The following EPHA4 variants were observed in gnomAD, a reference collection of about 807,000 sequenced individuals.
The protein encoded by EPHA4 is EPH receptor A4, also known as ephrin type-A receptor 4.
A neutral mutation model predicts 108.3 loss-of-function variants in EPHA4; 19 were observed. The observed-to-expected ratio is 0.18, with a 90% CI of 0.12 to 0.26. The LOEUF (loss-of-function observed/expected upper bound fraction) is 0.26. Among genes scored for constraint, EPHA4 ranks in the 10% least tolerant of loss-of-function variants. EPHA4 has a pLI of 1.00. For missense variants in EPHA4, 917 were observed against 1,254.0 expected, an observed-to-expected ratio of 0.73 and a Z score of 4.06; for synonymous variants, 449 against 455.5, an observed-to-expected ratio of 0.99 and a Z score of 0.18.
At chr2:221,456,983 T>C (rs750971348) in intron 6 of EPHA4, among the ~76,000 whole-genome samples, 5 of 152,238 alleles carry the variant, frequency 3.3e-5, no homozygotes, top group Non-Finnish European at 7.3e-5. Flanking sequence ...CAGGTATGAT[T>C]GTTATTGACG....
intron 3 of EPHA4, among the ~76,000 whole-genome samples, chr2:221,548,383 G>C (rs1192379168): frequency 6.6e-6 from 1 of 151,832 alleles, no homozygotes; most frequent in African/African-American, 2.4e-5. Flanking sequence ...AAAGAGTCTG[G>C]GACGTTGTCC....
chr2:221,555,196 T>C lies in EPHA4; in HGVS notation c.823+8535A>G, dbSNP rs569891828. ...GCAGAGGTGCATAAAAAGAGCCCTGTGCAAATAGTCTCCTCTCTGCCTCCC... is the reference window on the plus strand; with the variant it reads ...GCAGAGGTGCATAAAAAGAGCCCTGCGCAAATAGTCTCCTCTCTGCCTCCC... On this transcript the variant is annotated intron_variant, in intron 3 of 17. Transcript: ENST00000281821. Among the ~76,000 whole-genome samples, 4 of 152,316 alleles carry C rather than the reference T, an allele frequency of 2.6e-5. No individual in the cohort carries two copies. In the South Asian group the frequency reaches 8.3e-4, roughly 32 times the overall value.
At chr2:221,529,261 G>C (rs1447747079) in intron 3 of EPHA4, among the ~76,000 whole-genome samples, 1 of 152,186 alleles carries the variant, frequency 6.6e-6, no homozygotes, top group Admixed American at 6.5e-5. Flanking sequence ...AGGAAGGAAA[G>C]GGACTTTGCT....
At chr2:221,573,603 T>TG (rs1694915205), upstream of EPHA4, 1 of 152,068 alleles carries the variant, frequency 6.6e-6, no homozygotes, top group Non-Finnish European at 1.5e-5. This position sits in a 1 kb window ranked among gnomAD's most constrained non-coding sequence, Gnocchi z 4.5. Context: ...CGAGTTTTCC[T>TG]GGGGAGCCTG....
chr2:221,435,770 G>T (rs1447668776), intron 13 of EPHA4, among the ~76,000 whole-genome samples: 1 of 151,994 alleles, frequency 6.6e-6, no homozygotes, highest in Non-Finnish European at 1.5e-5. Flanking sequence ...TAAAATGAAG[G>T]CCATTAGATA....
At chr2:221,473,475 T>C (rs941429529) in intron 5 of EPHA4, among the ~76,000 whole-genome samples, 3 of 149,602 alleles carry the variant, frequency 2.0e-5, no homozygotes, top group African/African-American at 7.4e-5. Context: ...GCATTTCAAT[T>C]AGTCCCTGTA....
chr2:221,465,997 C>T (rs921390851), intron 5 of EPHA4, among the ~76,000 whole-genome samples: 2 of 152,152 alleles, frequency 1.3e-5, no homozygotes, highest in Non-Finnish European at 2.9e-5. Context: ...GGTTCCCTCC[C>T]GGAAACTCCA....
At chr2:221,558,829 A>C (rs1303508637) in intron 3 of EPHA4, among the ~76,000 whole-genome samples, 1 of 152,208 alleles carries the variant, frequency 6.6e-6, no homozygotes, top group Middle Eastern at 3.2e-3. Flanking sequence ...ACATTTTTTC[A>C]ATGATCACAG....
chr2:221,484,807 A>G (rs112183221), intron 4 of EPHA4, among the ~76,000 whole-genome samples: 1 of 152,214 alleles, frequency 6.6e-6, no homozygotes, highest in African/African-American at 2.4e-5. Context: ...CTGAAATCCA[A>G]AAGTACTATC....
chr2:221,440,410 A>G (rs114156889), intron 11 of EPHA4, among the ~76,000 whole-genome samples: 1 of 152,148 alleles, frequency 6.6e-6, no homozygotes, highest in Non-Finnish European at 1.5e-5. Flanking sequence ...TTTTTAGAAA[A>G]CGGACCTGCA....
intron 12 of EPHA4, 65 bp downstream of exon 12, chr2:221,436,995 CA>C: frequency 8.3e-7 from 1 of 1,201,582 alleles, no homozygotes; most frequent in Non-Finnish European, 1.2e-6. Flanking sequence ...ACAACAAACA[CA>C]AGGACTCTGT....
chr2:221,434,308 C>G lies in EPHA4; in HGVS notation c.2347-17G>C, dbSNP rs752607517. On this transcript the variant is annotated splice_polypyrimidine_tract_variant and intron_variant, in intron 13 of 17. Coordinates refer to ENST00000281821, the MANE Select transcript of EPHA4 (RefSeq NM_004438.5). ...CTTGCCACCCTGTGAACATTTGAGC[C>G]ATAAGTTATTCCTTAAGTACATCAC... 14 of 1,612,618 alleles carry G rather than the reference C, an allele frequency of 8.7e-6. 1 individual carries two copies. In the Admixed American group the frequency reaches 1.3e-4, roughly 15 times the overall value.
At chr2:221,511,775 A>G (rs920827390) in intron 3 of EPHA4, among the ~76,000 whole-genome samples, 3 of 152,270 alleles carry the variant, frequency 2.0e-5, no homozygotes, top group African/African-American at 7.2e-5. Flanking sequence ...AAGGCAGTAC[A>G]GCAACCTATA....
At chr2:221,428,788 A>G (rs917521833) in intron 15 of EPHA4, among the ~76,000 whole-genome samples, 2 of 152,174 alleles carry the variant, frequency 1.3e-5, no homozygotes, top group African/African-American at 4.8e-5. Flanking sequence ...TTTCAGTGTT[A>G]TTTGAAAAGA....
At chr2:221,468,219 AG>A (rs34061492) in intron 5 of EPHA4, among the ~76,000 whole-genome samples, 1 of 151,622 alleles carries the variant, frequency 6.6e-6, no homozygotes, top group Non-Finnish European at 1.5e-5. Flanking sequence ...ATCACTTCCT[AG>A]GGAAGATCAG....
intron 8 of EPHA4, among the ~76,000 whole-genome samples, chr2:221,447,533 T>TCAGCAGC (rs1203515282): frequency 5.9e-5 from 9 of 152,256 alleles, no homozygotes; most frequent in African/African-American, 1.2e-4. Context: ...CTCCTAATTG[T>TCAGCAGC]CAGCAGCGCA....
Position 221,426,006 on chromosome 2 carries a change from T to C in EPHA4, c.*22A>G. ...GATGAGGTAAACTAATTTCAAGAGT[T>C]TTGAGTTTATTCAGTACTGGCTCAG... is the stretch of plus-strand genomic sequence containing the variant. On this transcript the variant is annotated 3_prime_UTR_variant, in exon 17 of 18. Transcript: ENST00000281821. The C allele has an allele frequency of 6.2e-7, 1 of 1,603,992 alleles. No homozygotes were observed. The highest frequency in any genetic ancestry group is 8.5e-7 in the Non-Finnish European group (1 of 1,171,062).
Position 221,426,553 on chromosome 2 carries a change from C to G in EPHA4, c.2757G>C (p.Trp919Cys). Residue 919 changes from tryptophan (W) to cysteine (C), a missense_variant, in exon 16 of 18, where the codon TGG becomes TGC. By Grantham distance (215) the Trp-to-Cys change is radical (BLOSUM62 -2). Transcript: ENST00000281821. The stretch of plus-strand genomic sequence containing the variant: ...ACCGGTCCATTTTAATGGCCTGGAG[C>G]CAATCGCCCACTGATACCACAGCAG... ...EFSAVVSVGD[W>C]LQAIKMDRYK... The G allele has an allele frequency of 6.2e-7, 1 of 1,614,056 alleles. No homozygotes were observed. The highest frequency in any genetic ancestry group is 8.5e-7 in the Non-Finnish European group (1 of 1,180,038).
At chr2:221,457,720 G>A (rs1162951619) in intron 6 of EPHA4, 146 bp downstream of exon 6, 6 of 802,414 alleles carry the variant, frequency 7.5e-6, no homozygotes, top group Non-Finnish European at 1.1e-5. Flanking sequence ...CAGAAGGGAG[G>A]GAGCAAAGGA....
Sources: allele counts gnomAD v4.1 joint callset (sites outside exome capture counted in the v4.1 genomes callset), GRCh38; gene constraint gnomAD v4.1.1; non-coding constraint Gnocchi (gnomAD v3.1); transcripts MANE v1.5; gene names NCBI Gene and HGNC (gene_info 2026-07-23, HGNC 2026-07-21).